CDKL5: variants seen among roughly 807,000 people sequenced by gnomAD.
CDKL5 encodes cyclin dependent kinase like 5.
Under a neutral mutation model 61.7 loss-of-function variants are expected in CDKL5, and 8 were observed. That is an observed-to-expected ratio of 0.13 (90% confidence interval 0.08 to 0.23). The LOEUF (loss-of-function observed/expected upper bound fraction) is 0.23. Among genes scored for constraint, CDKL5 ranks in the 10% least tolerant of loss-of-function variants. The pLI, the probability that CDKL5 is intolerant of heterozygous loss-of-function variation, is 1.00. For missense variants in CDKL5, 440 were observed against 734.5 expected (o/e 0.60, Z 4.63); for synonymous variants, 275 against 272.3 (o/e 1.01, Z -0.10).
chrX:18,554,940 AT>A (rs745350188), intron 3 of CDKL5, among the ~76,000 whole-genome samples: 2 of 109,638 alleles, frequency 1.8e-5, no homozygotes, highest in Non-Finnish European at 1.9e-5. Context: ...TCATTCTCAA[AT>A]TTTTTTTTAT....
chrX:18,608,106 G>A (rs75906704), intron 12 of CDKL5, among the ~76,000 whole-genome samples: 11,348 of 110,181 alleles, frequency 0.1, 1,191 homozygotes, highest in African/African-American at 0.31. Flanking sequence ...TTTTCCCCTC[G>A]GTGAACACCA....
chrX:18,441,799 T>A (rs1838217270), intron 1 of CDKL5, among the ~76,000 whole-genome samples: 1 of 111,377 alleles, frequency 9.0e-6, no homozygotes, highest in African/African-American at 3.3e-5. Flanking sequence ...TACTCTTGAT[T>A]TTCTCCCGTC....
intron 3 of CDKL5, among the ~76,000 whole-genome samples, chrX:18,547,900 G>A (rs1243492255): frequency 2.7e-5 from 3 of 111,973 alleles, no homozygotes; most frequent in Non-Finnish European, 5.6e-5. Flanking sequence ...TTGTTTTTGC[G>A]CAGAGGGGTG....
chrX:18,432,430 C>T (rs1440821101), intron 1 of CDKL5, among the ~76,000 whole-genome samples: 2 of 108,545 alleles, frequency 1.8e-5, no homozygotes, highest in African/African-American at 6.7e-5. Context: ...TTAGTAGAGA[C>T]AGGATTTCAC....
intron 3 of CDKL5, among the ~76,000 whole-genome samples, chrX:18,555,628 A>G (rs770849060): frequency 8.9e-6 from 1 of 112,292 alleles, no homozygotes; most frequent in Non-Finnish European, 1.9e-5. Context: ...TATTTGCATG[A>G]TCTTTTTTGA....
chrX:18,504,747 C>A (rs1020591656), intron 1 of CDKL5, among the ~76,000 whole-genome samples: 1 of 109,778 alleles, frequency 9.1e-6, no homozygotes, highest in Non-Finnish European at 1.9e-5. Context: ...CTGGCTAACA[C>A]GGTGAAACCC....
At chrX:18,556,307 T>G (rs1316640434) in intron 3 of CDKL5, among the ~76,000 whole-genome samples, 1 of 111,555 alleles carries the variant, frequency 9.0e-6, no homozygotes, top group Non-Finnish European at 1.9e-5. Context: ...ACATTTCTCT[T>G]CAGTGATGTG....
intron 8 of CDKL5, among the ~76,000 whole-genome samples, chrX:18,585,230 C>CA (rs1296353615): frequency 9.1e-6 from 1 of 110,083 alleles, no homozygotes; most frequent in East Asian, 2.9e-4. Context: ...CCCGTCTCTA[C>CA]AAAAAAATAC....
At chrX:18,516,792 A>G (rs1923039812) in intron 3 of CDKL5, among the ~76,000 whole-genome samples, 1 of 111,868 alleles carries the variant, frequency 8.9e-6, no homozygotes. Context: ...GCTGGAGTCC[A>G]ATGGCGCTAT....
Position 18,639,686 on chromosome X carries a change from A to T in CDKL5, c.*10929A>T, listed in dbSNP as rs752709897. 2.7e-5 allele frequency among the ~76,000 whole-genome samples: 3 copies of T among 112,366 alleles called. No individual in the cohort carries two copies. In the South Asian group the frequency reaches 1.1e-3, roughly 41 times the overall value. On this transcript the variant is annotated 3_prime_UTR_variant, in exon 18 of 18. Transcript: ENST00000623535. ...AATGAAAACACACATCCGCACAAAA[A>T]CTTATACACAAATGTTCATAGCAGC...
At chrX:18,540,364 A>G (rs776755468) in intron 3 of CDKL5, among the ~76,000 whole-genome samples, 1 of 110,746 alleles carries the variant, frequency 9.0e-6, no homozygotes, top group Non-Finnish European at 1.9e-5. Context: ...TTTGGTATAG[A>G]TAGGGTTTTG....
intron 1 of CDKL5, among the ~76,000 whole-genome samples, chrX:18,502,149 G>A (rs1922411341): frequency 9.0e-6 from 1 of 111,127 alleles, no homozygotes; most frequent in Non-Finnish European, 1.9e-5. Context: ...AGCCCTCCCT[G>A]TCTATCATTC....
At chrX:18,530,996 G>A (rs982912573) in intron 3 of CDKL5, among the ~76,000 whole-genome samples, 3 of 112,069 alleles carry the variant, frequency 2.7e-5, no homozygotes, top group Non-Finnish European at 5.6e-5. Context: ...ATGTACTGGA[G>A]CTCTGTTGAC....
chrX:18,449,577 A>G (rs955071209), intron 1 of CDKL5, among the ~76,000 whole-genome samples: 2 of 112,404 alleles, frequency 1.8e-5, no homozygotes, highest in African/African-American at 6.5e-5. Flanking sequence ...AAAGATGTAG[A>G]GGAAATACTG....
intron 3 of CDKL5, among the ~76,000 whole-genome samples, chrX:18,521,728 G>A (rs1923250244): frequency 8.9e-6 from 1 of 112,014 alleles, no homozygotes; most frequent in African/African-American, 3.2e-5. Context: ...TTGTGAGATA[G>A]AGGTCTAACT....
At chrX:18,564,004 G>C (rs1202199238) in intron 3 of CDKL5, among the ~76,000 whole-genome samples, 1 of 111,685 alleles carries the variant, frequency 9.0e-6, no homozygotes, top group Non-Finnish European at 1.9e-5. Context: ...GATTTGCAGT[G>C]GCCATCAATA....
intron 1 of CDKL5, among the ~76,000 whole-genome samples, chrX:18,472,550 A>G (rs1389565313): frequency 7.2e-5 from 8 of 111,851 alleles, no homozygotes; most frequent in Non-Finnish European, 1.5e-4. Flanking sequence ...ATTCCACTCT[A>G]GCAATAATGA....
intron 1 of CDKL5, among the ~76,000 whole-genome samples, chrX:18,497,698 T>C (rs1296892457): frequency 9.0e-6 from 1 of 111,637 alleles, no homozygotes; most frequent in Non-Finnish European, 1.9e-5. Flanking sequence ...TGAACAATTA[T>C]AAGTGAATGT....
intron 1 of CDKL5, among the ~76,000 whole-genome samples, chrX:18,433,668 T>C (rs777597634): frequency 1.1e-3 from 130 of 113,182 alleles, no homozygotes; most frequent in African/African-American, 4.0e-3. Flanking sequence ...GCAAATGATA[T>C]AAATTACCTT....
Sources: allele counts gnomAD v4.1 joint callset (sites outside exome capture counted in the v4.1 genomes callset), GRCh38; gene constraint gnomAD v4.1.1; transcripts MANE v1.5; gene names NCBI Gene and HGNC (gene_info 2026-07-23, HGNC 2026-07-21).